The following GLRA2 variants were observed in gnomAD, a reference collection of about 807,000 sequenced individuals.
GLRA2 encodes the protein glycine receptor alpha 2, also known as glycine receptor subunit alpha-2.
GLRA2 carries 11 observed loss-of-function variants against 31.6 expected under a neutral mutation model. The observed-to-expected ratio is 0.35, with a 90% CI of 0.22 to 0.58. The LOEUF is 0.58. GLRA2 is among the 20% of genes least tolerant of loss of function. The pLI, the probability that GLRA2 is intolerant of heterozygous loss-of-function variation, is 0.84. For synonymous variants in GLRA2, 132 were observed against 134.0 expected, an observed-to-expected ratio of 0.99 and a Z score of 0.10; for missense variants, 212 against 351.8, an observed-to-expected ratio of 0.60 and a Z score of 3.18.
At chrX:14,602,335 A>G (rs2090284705) in intron 4 of GLRA2, among the ~76,000 whole-genome samples, 1 of 103,386 alleles carries the variant, frequency 9.7e-6, no homozygotes, top group Non-Finnish European at 2.0e-5. Flanking sequence ...CAGAGAGCTG[A>G]AGACTATGTA....
the GLRA2 span, among the ~76,000 whole-genome samples, chrX:14,507,029 A>G: frequency 8.9e-6 from 1 of 112,008 alleles, no homozygotes; most frequent in Non-Finnish European, 1.9e-5. Context: ...CTCACAAGCT[A>G]CACTCTACAT....
the GLRA2 span, among the ~76,000 whole-genome samples, chrX:14,504,379 A>G: frequency 8.9e-6 from 1 of 111,862 alleles, no homozygotes; most frequent in East Asian, 2.8e-4. Context: ...AGAAAGAGCA[A>G]AAGAGACACA....
intron 8 of GLRA2, among the ~76,000 whole-genome samples, chrX:14,702,470 G>C (rs948531480): frequency 8.9e-6 from 1 of 111,980 alleles, no homozygotes; most frequent in South Asian, 3.7e-4. Flanking sequence ...TTGTAATTTT[G>C]CTAGAACTAG....
chrX:14,601,035 G>C (rs1270356693), intron 4 of GLRA2, among the ~76,000 whole-genome samples: 6 of 99,520 alleles, frequency 6.0e-5, no homozygotes, highest in Admixed American at 5.6e-4. Context: ...ACTTTTTTTT[G>C]GTTCTTATAT....
the GLRA2 span, among the ~76,000 whole-genome samples, chrX:14,501,061 C>T: frequency 2.0e-5 from 2 of 97,770 alleles, no homozygotes; most frequent in South Asian, 4.8e-4. Flanking sequence ...AGAATGTTTT[C>T]GAAAAAGTAG....
the GLRA2 span, among the ~76,000 whole-genome samples, chrX:14,507,689 CTTTTTTTTTT>C: frequency 1.1e-4 from 5 of 46,629 alleles, no homozygotes; most frequent in Non-Finnish European, 1.6e-4. Context: ...GAAAGACATT[CTTTTTTTTTT>C]TTTTTTTTTT....
chrX:14,718,251 T>C (rs1177448930), intron 8 of GLRA2, among the ~76,000 whole-genome samples: 1 of 111,704 alleles, frequency 9.0e-6, no homozygotes, highest in Non-Finnish European at 1.9e-5. Flanking sequence ...AGAGCAGTTT[T>C]CACCAACACT....
chrX:14,575,243 CG>C (rs2089940184), intron 3 of GLRA2, among the ~76,000 whole-genome samples: 1 of 107,475 alleles, frequency 9.3e-6, no homozygotes, highest in Admixed American at 1.0e-4. Flanking sequence ...CTCTGTCACC[CG>C]GGCTGGAGTG....
chrX:14,562,787 CACTTAA>C (rs1291328529), intron 2 of GLRA2, among the ~76,000 whole-genome samples: 1 of 111,528 alleles, frequency 9.0e-6, no homozygotes, highest in Non-Finnish European at 1.9e-5. Flanking sequence ...GGCCAACCCT[CACTTAA>C]ACTTAACTAA....
intron 7 of GLRA2, among the ~76,000 whole-genome samples, chrX:14,684,533 A>C (rs988839341): frequency 9.0e-6 from 1 of 111,428 alleles, no homozygotes; most frequent in Admixed American, 9.6e-5. Flanking sequence ...GGTCCTTCAT[A>C]TCTCTTGTGA....
At chrX:14,453,643 A>G in the GLRA2 span, among the ~76,000 whole-genome samples, 3 of 112,061 alleles carry the variant, frequency 2.7e-5, no homozygotes, top group Non-Finnish European at 5.6e-5. Flanking sequence ...TTATAAAACT[A>G]AACCTGCAAT....
chrX:14,615,069 A>G (rs2090440932), intron 7 of GLRA2, among the ~76,000 whole-genome samples: 1 of 111,695 alleles, frequency 9.0e-6, no homozygotes, highest in Admixed American at 9.5e-5. Flanking sequence ...AAAAATGCTG[A>G]GGCAATAAGA....
intron 7 of GLRA2, among the ~76,000 whole-genome samples, chrX:14,615,719 A>G (rs1250420213): frequency 1.8e-5 from 2 of 111,466 alleles, no homozygotes; most frequent in Admixed American, 9.5e-5. Flanking sequence ...TTTGGGCTAC[A>G]CTTTTAAAAT....
Position 14,730,660 on chromosome X carries a change from T to G in GLRA2, c.*175T>G. On this transcript the variant is annotated 3_prime_UTR_variant, in exon 9 of 9. Coordinates refer to ENST00000218075, the MANE Select transcript of GLRA2 (RefSeq NM_002063.4). The stretch of plus-strand genomic sequence containing the variant: ...AAAAAAAGACAAGTTATATGGGTGA[T>G]GAAGAAAACTGCACAAAATTAAGGG... 2.3e-6 allele frequency: 1 copy of G among 429,210 alleles called. No homozygotes were observed. Among genetic ancestry groups the G allele is most frequent in the Non-Finnish European group, 4.1e-6 (1 of 245,401 alleles). The allele number at this position is 429,210 out of a possible 1,213,427, so 35.4% of individuals were successfully genotyped here.
upstream of GLRA2, among the ~76,000 whole-genome samples, chrX:14,528,411 C>T (rs1330911351): frequency 3.6e-5 from 4 of 111,942 alleles, no homozygotes; most frequent in Non-Finnish European, 3.8e-5. Flanking sequence ...TTAAGACCTC[C>T]AGTAAAGCAC....
chrX:14,608,367 C>T (rs1192003455), intron 6 of GLRA2, among the ~76,000 whole-genome samples: 1 of 111,246 alleles, frequency 9.0e-6, no homozygotes, highest in Admixed American at 9.6e-5. Flanking sequence ...AAGCAATTAC[C>T]CAGAAGGCTA....
At chrX:14,474,961 CAA>C in the GLRA2 span, among the ~76,000 whole-genome samples, 1 of 112,081 alleles carries the variant, frequency 8.9e-6, no homozygotes, top group Admixed American at 9.5e-5. Flanking sequence ...GAATAGGAAA[CAA>C]ATATTTGTAG....
intron 8 of GLRA2, among the ~76,000 whole-genome samples, chrX:14,702,601 A>C (rs1170059785): frequency 2.7e-5 from 3 of 111,618 alleles, no homozygotes; most frequent in Non-Finnish European, 5.6e-5. Context: ...TTGCTGTAAC[A>C]AATCACTACA....
At chrX:14,677,455 C>A (rs2091156475) in intron 7 of GLRA2, among the ~76,000 whole-genome samples, 1 of 111,947 alleles carries the variant, frequency 8.9e-6, no homozygotes, top group Non-Finnish European at 1.9e-5. Context: ...ATGATTCTAT[C>A]TTTAAGTGCG....
Sources: allele counts gnomAD v4.1 joint callset (sites outside exome capture counted in the v4.1 genomes callset), GRCh38; gene constraint gnomAD v4.1.1; transcripts MANE v1.5; gene names NCBI Gene and HGNC (gene_info 2026-07-23, HGNC 2026-07-21).